Variants in CYTH2 observed in about 807,000 individuals in gnomAD.
The protein encoded by CYTH2 is cytohesin 2.
CYTH2 carries 24 observed loss-of-function variants against 55.4 expected under a neutral mutation model. That is an observed-to-expected ratio of 0.43 (90% CI 0.31 to 0.61). CYTH2 has a LOEUF of 0.61. CYTH2 is among the 20% of genes least tolerant of loss of function. The pLI is 0.08. For synonymous variants in CYTH2, 221 were observed against 209.6 expected, an observed-to-expected ratio of 1.05 and a Z score of -0.47; for missense variants, 378 against 533.5, an observed-to-expected ratio of 0.71 and a Z score of 2.87.
Position 48,479,005 on chromosome 19 carries a change from A to ACTC in CYTH2, c.1113-115_1113-113dup, listed in dbSNP as rs1360986220. The stretch of plus-strand genomic sequence containing the variant: ...GAGGGAGGAGGGGCCGGGGGCCTGG[A>ACTC]CTCCTGGGTCTGAGGGAGGAGGGGC... On this transcript the variant is annotated intron_variant, in intron 11 of 11. Transcript: ENST00000452733. 8 of 985,106 alleles carry ACTC rather than the reference A, an allele frequency of 8.1e-6. No homozygotes were observed. In the South Asian group the frequency reaches 8.5e-5, roughly 10 times the overall value. The allele number at this position is 985,106 out of a possible 1,614,324, so 61.0% of individuals were successfully genotyped here.
At chr19:48,479,049 C>T (rs1480839505) in intron 11 of CYTH2, 74 bp from the exon 12 acceptor site, 6 of 1,508,426 alleles carry the variant, frequency 4.0e-6, no homozygotes, top group Non-Finnish European at 5.5e-6. Flanking sequence ...TGAGACTCCT[C>T]CTGGGTATGA....
At chr19:48,477,877 C>T (rs1971950196) in intron 8 of CYTH2, 192 bp from the exon 9 acceptor site, 1 of 569,514 alleles carries the variant, frequency 1.8e-6, no homozygotes, top group African/African-American at 1.9e-5. Flanking sequence ...GAGCCCCAAG[C>T]TGGGGGTGGA....
In CYTH2 at chr19:48,474,796, C is replaced by A. The variant is rs372325655; in HGVS notation, c.697-42C>A. ...CCCCACCCTGAGTAACCCTGGGGGG[C>A]CCCAGGGGGCTCGAATGGCTAATGC... On this transcript the variant is annotated intron_variant, in intron 7 of 11. Coordinates refer to ENST00000452733, the MANE Select transcript of CYTH2 (RefSeq NM_004228.7). The surrounding 1 kb of genome is among the most constrained non-coding windows in gnomAD (Gnocchi z 4.9). 5 of 1,601,090 alleles carry A rather than the reference C, an allele frequency of 3.1e-6. No homozygotes were observed. Among genetic ancestry groups the A allele is most frequent in the Admixed American group, 3.3e-5 (2 of 59,798 alleles).
intron 8 of CYTH2, chr19:48,477,035 A>G (rs1273582074): frequency 6.6e-6 from 1 of 151,976 alleles, no homozygotes; most frequent in African/African-American, 2.4e-5. Context: ...AGTTAGAGGG[A>G]CCCCTTCCTT....
Position 48,474,746 on chromosome 19 carries a change from T to C in CYTH2, c.697-92T>C. On this transcript the variant is annotated intron_variant, in intron 7 of 11. Transcript: ENST00000452733. This position sits in a 1 kb window ranked among gnomAD's most constrained non-coding sequence, Gnocchi z 4.9. ...ACCCCTCTCTCTTCCCCACTATGAG[T>C]CATCCCATCCCTGGTCTCGCTGCCC... 9.4e-7 allele frequency: 1 copy of C among 1,065,576 alleles called. No homozygotes were observed. The highest frequency in any genetic ancestry group is 1.4e-6 in the Non-Finnish European group (1 of 695,202). 66.0% of individuals were successfully genotyped at this position (1,065,576 alleles called of 1,614,324 possible). A position where few individuals can be genotyped will look rare whatever the true frequency, so the allele number is the denominator to read the frequency against.
At chr19:48,478,204 T>C in intron 9 of CYTH2, 59 bp downstream of exon 9, 1 of 1,611,740 alleles carries the variant, frequency 6.2e-7, no homozygotes, top group Admixed American at 1.7e-5. Context: ...GAGCCTGGAC[T>C]CCTGGGGCTG....
At chr19:48,475,177 A>C in intron 8 of CYTH2, 1 of 516,604 alleles carries the variant, frequency 1.9e-6, no homozygotes, top group East Asian at 3.4e-5. Context: ...TGACCCACAA[A>C]TGTTGATGGA....
intron 4 of CYTH2, 109 bp from the exon 5 acceptor site, chr19:48,473,189 G>C: frequency 1.7e-6 from 2 of 1,196,974 alleles, no homozygotes; most frequent in South Asian, 2.5e-5. Context: ...CCTCGGCAGT[G>C]GGCAGCTGTG....
Position 48,472,458 on chromosome 19 carries a change from C to T in CYTH2, c.353+15C>T, listed in dbSNP as rs1971820394. ...CTGGGGGAGAGGTACGGTCACCACT[C>T]AGCTCCTGTGGGGCCCCTCCCTCCC... is the stretch of plus-strand genomic sequence containing the variant. On this transcript the variant is annotated intron_variant, in intron 4 of 11. Coordinates refer to ENST00000452733, the MANE Select transcript of CYTH2 (RefSeq NM_004228.7). 1.2e-6 allele frequency: 2 copies of T among 1,609,256 alleles called. No individual in the cohort carries two copies. The highest frequency in any genetic ancestry group is 1.1e-5 in the South Asian group (1 of 90,850).
At chr19:48,469,881 CG>C (rs1266330893) in intron 1 of CYTH2, 11 of 412,402 alleles carry the variant, frequency 2.7e-5, no homozygotes, top group Admixed American at 1.7e-4. Flanking sequence ...TCTTGGGGGG[CG>C]GGGGCCTTCG....
chr19:48,470,618 G>GGC lies in CYTH2; in HGVS notation c.183_184insGC (p.Asn62AlafsTer46). ...GCTCCTGCAGTAAGACCTTGCAACG[G>GGC]AACCGGAAGATGGCAATGGGCAGGA... On this transcript the variant is annotated frameshift_variant, in exon 3 of 12. Transcript: ENST00000452733. LOFTEE classifies it high-confidence loss of function. 6.2e-7 allele frequency: 1 copy of GGC among 1,614,246 alleles called. No homozygotes were observed. Among genetic ancestry groups the GGC allele is most frequent in the Non-Finnish European group, 8.5e-7 (1 of 1,180,050 alleles).
At chr19:48,472,094 G>C (rs1601021014) in intron 3 of CYTH2, among the ~76,000 whole-genome samples, 1 of 152,196 alleles carries the variant, frequency 6.6e-6, no homozygotes, top group South Asian at 2.1e-4. Flanking sequence ...TGCCTTGCCA[G>C]ACCCTGTTGT....
rs1195703285 is a variant in CYTH2 at position 48,478,607 on chromosome 19, CT to C, written c.1112+16del. 1.3e-5 allele frequency: 20 copies of C among 1,544,564 alleles called. No individual in the cohort carries two copies. In the East Asian group the frequency reaches 4.5e-4, roughly 35 times the overall value. ...AAGTCCATCCAGTGAGCCTGGACTC[CT>C]GGGCCTGATGGAGGAGGGGCTGGGG... On this transcript the variant is annotated intron_variant, in intron 11 of 11. Coordinates refer to ENST00000452733, the MANE Select transcript of CYTH2 (RefSeq NM_004228.7).
Position 48,482,236 on chromosome 19 carries a change from A to C in CYTH2, c.*3026A>C, listed in dbSNP as rs948326622. The C allele has an allele frequency of 2.6e-5, 4 of 152,166 alleles. No homozygotes were observed. The highest frequency in any genetic ancestry group is 2.1e-4 in the South Asian group (1 of 4,828). 9.4% of individuals were successfully genotyped at this position (152,166 alleles called of 1,614,324 possible). On this transcript the variant is annotated 3_prime_UTR_variant, in exon 12 of 12. Transcript: ENST00000452733. ...CTCAGGTCTTCTGTCAGAGCAACAC[A>C]AAATGGACTCAGCACGGATCAAATT...
Position 48,470,721 on chromosome 19 carries a change from C to T in CYTH2, c.234+52C>T, listed in dbSNP as rs764857370. 4 of 1,604,586 alleles carry T rather than the reference C, an allele frequency of 2.5e-6. No homozygotes were observed. The Admixed American group carries it at 5.0e-5, about 20-fold the overall frequency. ...AGCTGGGCAAACATCCAGGCAGGGG[C>T]TTCTGGCACCTCCGGGTTCCAGAAG... is the stretch of plus-strand genomic sequence containing the variant. On this transcript the variant is annotated intron_variant, in intron 3 of 11. Transcript: ENST00000452733.
At chr19:48,475,781 C>T (rs746805740) in intron 8 of CYTH2, 3 of 221,936 alleles carry the variant, frequency 1.4e-5, no homozygotes, top group Non-Finnish European at 2.8e-5. Context: ...CGTTTAAGCT[C>T]CTCGGGTGCT....
At chr19:48,477,870 C>A (rs1364062758) in intron 8 of CYTH2, 199 bp from the exon 9 acceptor site, 1 of 566,722 alleles carries the variant, frequency 1.8e-6, no homozygotes, top group African/African-American at 1.9e-5. Context: ...AAATGTGGAG[C>A]CCCAAGCTGG....
chr19:48,475,327 A>G (rs1971889340), intron 8 of CYTH2: 2 of 194,926 alleles, frequency 1.0e-5, no homozygotes, highest in South Asian at 2.1e-4. Flanking sequence ...CCTGGAATCT[A>G]TTCCCCTTGG....
chr19:48,470,805 A>G, intron 3 of CYTH2, 136 bp downstream of exon 3: 1 of 892,388 alleles, frequency 1.1e-6, no homozygotes, highest in Middle Eastern at 2.6e-4. Flanking sequence ...CTGGATTCAG[A>G]TACTGGCTGT....
Sources: allele counts gnomAD v4.1 joint callset (sites outside exome capture counted in the v4.1 genomes callset), GRCh38; gene constraint gnomAD v4.1.1; non-coding constraint Gnocchi (gnomAD v3.1); transcripts MANE v1.5; gene names NCBI Gene and HGNC (gene_info 2026-07-23, HGNC 2026-07-21).